The following ENTHD1 variants were observed in gnomAD, a reference collection of about 807,000 sequenced individuals.
ENTHD1 encodes ENTH domain containing 1, also known as ENTH domain-containing protein 1.
A neutral mutation model predicts 39.1 loss-of-function variants in ENTHD1; 23 were observed. That is an observed-to-expected ratio of 0.59 (90% CI 0.42 to 0.83). The LOEUF is 0.83. Ranked by LOEUF, ENTHD1 falls within the 40% of genes least tolerant of loss-of-function variation. The probability of loss-of-function intolerance (pLI) is 0.00; values close to 1 mark genes in which losing one functional copy is unlikely to be tolerated. For synonymous variants in ENTHD1, 230 were observed against 258.2 expected (o/e 0.89, Z 1.05); for missense variants, 624 against 705.4 (o/e 0.88, Z 1.31).
intron 5 of ENTHD1, among the ~76,000 whole-genome samples, chr22:39,780,587 A>G (rs1374514590): frequency 6.6e-6 from 1 of 152,250 alleles, no homozygotes; most frequent in Non-Finnish European, 1.5e-5. Context: ...TATATCAGAT[A>G]AAACAGACTA....
intron 1 of ENTHD1, among the ~76,000 whole-genome samples, chr22:39,890,119 TAAATAAATA>T (rs2066414846): frequency 6.7e-6 from 1 of 148,452 alleles, no homozygotes; most frequent in Admixed American, 6.7e-5. Context: ...AATAAATAAA[TAAATAAATA>T]AATAAATAAA....
chr22:39,771,467 C>G (rs746330237), intron 5 of ENTHD1, among the ~76,000 whole-genome samples: 15 of 152,112 alleles, frequency 9.9e-5, no homozygotes, highest in South Asian at 2.1e-4. Flanking sequence ...GGGGAGAAAT[C>G]TGGTTAAAAA....
At chr22:39,848,814 A>G (rs1328863975) in intron 3 of ENTHD1, among the ~76,000 whole-genome samples, 2 of 152,218 alleles carry the variant, frequency 1.3e-5, no homozygotes, top group South Asian at 2.1e-4. Flanking sequence ...CCCTATTTCA[A>G]TGTAAAAAAT....
At chr22:39,804,010 A>G (rs574339977) in intron 5 of ENTHD1, among the ~76,000 whole-genome samples, 7 of 152,028 alleles carry the variant, frequency 4.6e-5, no homozygotes, top group African/African-American at 1.7e-4. Context: ...AAAAATAGAA[A>G]AAAATCAGCT....
chr22:39,871,832 A>G (rs1473275097), intron 2 of ENTHD1, among the ~76,000 whole-genome samples: 1 of 152,236 alleles, frequency 6.6e-6, no homozygotes, highest in Non-Finnish European at 1.5e-5. Context: ...TAAATTCACA[A>G]TGATACAACT....
At chr22:39,840,195 A>G (rs967572882) in intron 3 of ENTHD1, among the ~76,000 whole-genome samples, 1 of 152,238 alleles carries the variant, frequency 6.6e-6, no homozygotes, top group Non-Finnish European at 1.5e-5. Context: ...AAGCCAGTGA[A>G]GACTAGTATG....
chr22:39,807,614 C>G (rs1601607668), intron 5 of ENTHD1, among the ~76,000 whole-genome samples: 2 of 152,308 alleles, frequency 1.3e-5, no homozygotes, highest in East Asian at 3.9e-4. Flanking sequence ...CCCACCCCAG[C>G]CTCTCACATT....
At chr22:39,798,403 T>C (rs1454830644) in intron 5 of ENTHD1, among the ~76,000 whole-genome samples, 1 of 152,202 alleles carries the variant, frequency 6.6e-6, no homozygotes, top group Non-Finnish European at 1.5e-5. Context: ...TGAAGACTTC[T>C]TTCTGAGGAT....
intron 4 of ENTHD1, among the ~76,000 whole-genome samples, chr22:39,822,905 C>T (rs955427144): frequency 6.6e-6 from 1 of 152,124 alleles, no homozygotes; most frequent in Non-Finnish European, 1.5e-5. Flanking sequence ...TGTGTTTCCT[C>T]CAAAGGTAAC....
chr22:39,751,266 T>TG (rs2065145439), intron 6 of ENTHD1: 1 of 154,306 alleles, frequency 6.5e-6, no homozygotes. Flanking sequence ...GCACAAAGGC[T>TG]GTTGACCAAG....
chr22:39,791,838 C>T (rs1181096051), intron 5 of ENTHD1, among the ~76,000 whole-genome samples: 1 of 152,004 alleles, frequency 6.6e-6, no homozygotes, highest in Non-Finnish European at 1.5e-5. Context: ...GTACTATGCT[C>T]AGTTTTTTTG....
intron 6 of ENTHD1, among the ~76,000 whole-genome samples, chr22:39,760,599 G>T (rs2065225312): frequency 6.6e-6 from 1 of 151,982 alleles, no homozygotes; most frequent in African/African-American, 2.4e-5. Context: ...TAATTGGAAA[G>T]TTTATTCCAC....
At chr22:39,758,191 A>G (rs1268030638) in intron 6 of ENTHD1, among the ~76,000 whole-genome samples, 4 of 152,198 alleles carry the variant, frequency 2.6e-5, no homozygotes, top group Non-Finnish European at 5.9e-5. Context: ...TCTTCCACAC[A>G]GATAATCCTA....
chr22:39,815,854 A>G (rs370372361), intron 5 of ENTHD1, among the ~76,000 whole-genome samples: 14 of 152,362 alleles, frequency 9.2e-5, no homozygotes, highest in African/African-American at 2.6e-4. Context: ...GATAAAAGTC[A>G]CAGAAAAATA....
At chr22:39,773,847 G>A (rs1390942988) in intron 5 of ENTHD1, among the ~76,000 whole-genome samples, 2 of 152,160 alleles carry the variant, frequency 1.3e-5, no homozygotes, top group Non-Finnish European at 1.5e-5. Flanking sequence ...AGATGTGTAA[G>A]AGATTCAAAC....
chr22:39,772,299 A>G (rs1179784354), intron 5 of ENTHD1, among the ~76,000 whole-genome samples: 2 of 152,194 alleles, frequency 1.3e-5, no homozygotes, highest in Non-Finnish European at 2.9e-5. Context: ...TGGCAATGCT[A>G]GCCCACTTGC....
intron 5 of ENTHD1, among the ~76,000 whole-genome samples, chr22:39,788,932 T>A (rs1017752333): frequency 4.6e-5 from 7 of 152,220 alleles, no homozygotes; most frequent in Non-Finnish European, 1.5e-5. Context: ...GTATTTTACA[T>A]ATAATGCTAC....
chr22:39,797,764 C>T (rs927953645), intron 5 of ENTHD1, among the ~76,000 whole-genome samples: 9 of 152,150 alleles, frequency 5.9e-5, no homozygotes, highest in African/African-American at 2.2e-4. Flanking sequence ...TATATCAACT[C>T]AATCTCTGCT....
intron 5 of ENTHD1, among the ~76,000 whole-genome samples, chr22:39,801,906 G>GT (rs2065601739): frequency 6.6e-6 from 1 of 151,340 alleles, no homozygotes; most frequent in Non-Finnish European, 1.5e-5. Flanking sequence ...TTTTTAATTT[G>GT]TTTTTTCAAG....
Sources: allele counts gnomAD v4.1 joint callset (sites outside exome capture counted in the v4.1 genomes callset), GRCh38; gene constraint gnomAD v4.1.1; transcripts MANE v1.5; gene names NCBI Gene and HGNC (gene_info 2026-07-23, HGNC 2026-07-21).